The following CLSTN2 variants were observed in gnomAD, a reference collection of about 807,000 sequenced individuals.
CLSTN2 encodes the protein calsyntenin-2.
In CLSTN2, 48 loss-of-function variants were observed where a neutral mutation model predicts 101.2. The ratio of observed to expected loss-of-function variants is 0.47; its 90% CI spans 0.38 to 0.60. The LOEUF is 0.60. CLSTN2 is among the 20% of genes least tolerant of loss of function. The pLI is 0.00. For synonymous variants in CLSTN2, 481 were observed against 463.6 expected, an observed-to-expected ratio of 1.04 and a Z score of -0.48; for missense variants, 1,160 against 1,238.2, an observed-to-expected ratio of 0.94 and a Z score of 0.95.
intron 2 of CLSTN2, among the ~76,000 whole-genome samples, chr3:140,275,037 A>G (rs1262144563): frequency 6.6e-6 from 1 of 152,172 alleles, no homozygotes; most frequent in Non-Finnish European, 1.5e-5. Flanking sequence ...GCATCTGGAT[A>G]TCTATGCATC....
At chr3:140,317,893 C>T (rs889155902) in intron 2 of CLSTN2, among the ~76,000 whole-genome samples, 3 of 152,216 alleles carry the variant, frequency 2.0e-5, no homozygotes, top group Non-Finnish European at 4.4e-5. Context: ...GCATTAATTG[C>T]TCGCTATATG....
chr3:140,378,287 C>T (rs935228719), intron 2 of CLSTN2, among the ~76,000 whole-genome samples: 2 of 152,226 alleles, frequency 1.3e-5, no homozygotes, highest in Non-Finnish European at 2.9e-5. Context: ...AGCACCTACT[C>T]TGGATGACAT....
intron 1 of CLSTN2, among the ~76,000 whole-genome samples, chr3:140,138,062 G>A (rs2009641621): frequency 6.6e-6 from 1 of 152,164 alleles, no homozygotes; most frequent in East Asian, 1.9e-4. Context: ...AGGGTCTTTA[G>A]TAAGGAGTCT....
In CLSTN2 at chr3:140,359,993, T is replaced by TACAC. The variant is rs55746611; in HGVS notation, c.233-43604_233-43601dup. ...TATACACACATACATACATATTTTA[T>TACAC]ACACACACACACACACACACACACA... On this transcript the variant is annotated intron_variant, in intron 2 of 16. Coordinates refer to ENST00000458420, the MANE Select transcript of CLSTN2 (RefSeq NM_022131.3). 1.0e-2 allele frequency among the ~76,000 whole-genome samples: 1,455 copies of TACAC among 145,940 alleles called. 23 individuals carry two copies. The highest frequency in any genetic ancestry group is 0.031 in the African/African-American group (1,220 of 39,584).
chr3:140,482,672 A>T (rs1287116611), intron 8 of CLSTN2, among the ~76,000 whole-genome samples: 5 of 152,128 alleles, frequency 3.3e-5, no homozygotes, highest in Admixed American at 2.6e-4. Flanking sequence ...TAGTCTTGGG[A>T]GGGTGCATAT....
chr3:140,306,851 A>T (rs968561762), intron 2 of CLSTN2, among the ~76,000 whole-genome samples: 16 of 47,516 alleles, frequency 3.4e-4, no homozygotes, highest in Admixed American at 7.6e-4. Context: ...TTGTCTTTTT[A>T]TTATTATTAT....
At chr3:140,130,864 AC>A (rs2009511791) in intron 1 of CLSTN2, among the ~76,000 whole-genome samples, 1 of 152,030 alleles carries the variant, frequency 6.6e-6, no homozygotes, top group East Asian at 1.9e-4. Context: ...CAATGCTTGG[AC>A]CCTGTGTTTA....
intron 8 of CLSTN2, among the ~76,000 whole-genome samples, chr3:140,478,866 GGGAAGGAGGAA>G (rs1934050046): frequency 9.2e-6 from 1 of 108,798 alleles, no homozygotes; most frequent in Non-Finnish European, 1.9e-5. Flanking sequence ...GGAAGGAAGG[GGGAAGGAGGAA>G]GGAAGGAAGG....
chr3:140,448,649 T>A lies in CLSTN2; in HGVS notation c.918T>A (p.Ile306=). The A allele has an allele frequency of 2.5e-6, 4 of 1,614,118 alleles. No homozygotes were observed. The highest frequency in any genetic ancestry group is 3.4e-6 in the Non-Finnish European group (4 of 1,179,974). The part of the protein sequence containing the change: ...QIVTELQTNY[I]GKGCDRETYS... ...TCACAGAGCTGCAGACTAATTACAT[T>A]GGGAAGGGTTGTGACCGGGAGACCT... is the stretch of plus-strand genomic sequence containing the variant. The change falls in exon 6 of 17, where the codon ATT becomes ATA. Residue 306 remains isoleucine (I), a synonymous_variant. Transcript: ENST00000458420.
At chr3:140,010,818 C>T in intron 1 of CLSTN2, among the ~76,000 whole-genome samples, 1 of 152,240 alleles carries the variant, frequency 6.6e-6, no homozygotes, top group Non-Finnish European at 1.5e-5. Context: ...ACACTGGCTT[C>T]ATTGTTGTGA....
intron 2 of CLSTN2, among the ~76,000 whole-genome samples, chr3:140,206,987 T>C (rs1247336698): frequency 6.6e-6 from 1 of 152,156 alleles, no homozygotes; most frequent in African/African-American, 2.4e-5. Context: ...CATTTGGTAT[T>C]GGTTCCCTCT....
chr3:140,355,572 G>T (rs2087661674), intron 2 of CLSTN2, among the ~76,000 whole-genome samples: 1 of 152,222 alleles, frequency 6.6e-6, no homozygotes, highest in African/African-American at 2.4e-5. Flanking sequence ...GGGATGAAGG[G>T]TTAGTGTGGA....
At chr3:140,203,144 A>C (rs1480841774) in intron 2 of CLSTN2, among the ~76,000 whole-genome samples, 1 of 152,192 alleles carries the variant, frequency 6.6e-6, no homozygotes, top group Non-Finnish European at 1.5e-5. Flanking sequence ...CTGAGATTTG[A>C]AGTTGGTTTT....
chr3:140,339,719 A>G (rs999126223), intron 2 of CLSTN2, among the ~76,000 whole-genome samples: 1 of 152,230 alleles, frequency 6.6e-6, no homozygotes, highest in Non-Finnish European at 1.5e-5. Flanking sequence ...ATAGAGCCAC[A>G]GATACCACTC....
At chr3:140,413,103 A>T (rs1228321136) in intron 4 of CLSTN2, among the ~76,000 whole-genome samples, 1 of 152,152 alleles carries the variant, frequency 6.6e-6, no homozygotes, top group African/African-American at 2.4e-5. Flanking sequence ...AATGACACCA[A>T]GTTTGTTTTT....
At chr3:140,419,432 G>A (rs1365382087) in intron 4 of CLSTN2, among the ~76,000 whole-genome samples, 1 of 136,098 alleles carries the variant, frequency 7.3e-6, no homozygotes, top group Non-Finnish European at 1.5e-5. Flanking sequence ...GCAGGGAGCC[G>A]AGATCATGCC....
At chr3:140,123,476 G>T (rs968612198) in intron 1 of CLSTN2, among the ~76,000 whole-genome samples, 15 of 152,046 alleles carry the variant, frequency 9.9e-5, no homozygotes, top group African/African-American at 3.4e-4. Context: ...ACCTCCCTGA[G>T]TGCCTCTGCA....
At chr3:140,032,851 A>G (rs2007583267) in intron 1 of CLSTN2, among the ~76,000 whole-genome samples, 1 of 152,222 alleles carries the variant, frequency 6.6e-6, no homozygotes, top group Admixed American at 6.5e-5. Context: ...GAGGATAACA[A>G]AATGCTCCTC....
chr3:140,558,954 A>G, intron 12 of CLSTN2, 97 bp downstream of exon 12: 1 of 922,692 alleles, frequency 1.1e-6, no homozygotes, highest in South Asian at 1.6e-5. Flanking sequence ...CATGTAATGT[A>G]TACATGGCTT....
Sources: allele counts gnomAD v4.1 joint callset (sites outside exome capture counted in the v4.1 genomes callset), GRCh38; gene constraint gnomAD v4.1.1; transcripts MANE v1.5; gene names NCBI Gene and HGNC (gene_info 2026-07-23, HGNC 2026-07-21).